Variants in IGFL2 observed in about 807,000 individuals in gnomAD.
IGFL2 encodes insulin growth factor-like family member 2.
Under a neutral mutation model 13.9 loss-of-function variants are expected in IGFL2, and 7 were observed. That is an observed-to-expected ratio of 0.51 (90% CI 0.29 to 0.95). IGFL2 has a LOEUF of 0.95. IGFL2 is among the 40% of genes least tolerant of loss of function. The pLI is 0.08. For missense variants in IGFL2, 138 were observed against 147.8 expected (o/e 0.93, Z 0.34); for synonymous variants, 55 against 55.8 (o/e 0.99, Z 0.07).
chr19:46,205,219 A>C, the IGFL2 span, among the ~76,000 whole-genome samples: 1 of 152,232 alleles, frequency 6.6e-6, no homozygotes, highest in Non-Finnish European at 1.5e-5. Flanking sequence ...TCCAAATCAT[A>C]TACTTTTCCA....
the IGFL2 span, among the ~76,000 whole-genome samples, chr19:46,199,710 C>A: frequency 6.6e-6 from 1 of 152,186 alleles, no homozygotes; most frequent in Non-Finnish European, 1.5e-5. Context: ...CCTGCTTTCT[C>A]CCACCAGCGT....
upstream of IGFL2, among the ~76,000 whole-genome samples, chr19:46,138,791 C>T (rs1035555442): frequency 2.0e-5 from 3 of 151,980 alleles, no homozygotes; most frequent in Non-Finnish European, 4.4e-5. Flanking sequence ...GAGAGGCACT[C>T]GTATCAGACT....
chr19:46,086,484 T>C, the IGFL2 span, among the ~76,000 whole-genome samples: 1 of 152,026 alleles, frequency 6.6e-6, no homozygotes, highest in Non-Finnish European at 1.5e-5. Context: ...CCACCATGCC[T>C]GGCTAATTTT....
chr19:46,177,012 C>T, the IGFL2 span, among the ~76,000 whole-genome samples: 8 of 152,124 alleles, frequency 5.3e-5, 1 homozygote, highest in Admixed American at 2.0e-4. Flanking sequence ...TATGTGGTTC[C>T]AGATATCTTG....
chr19:46,148,750 AG>A (rs2146833195), intron 1 of IGFL2: 2 of 881,022 alleles, frequency 2.3e-6, no homozygotes, highest in Non-Finnish European at 3.3e-6. Flanking sequence ...GAAAGGAGGG[AG>A]GATTATAGCA....
the IGFL2 span, chr19:46,124,779 G>A: frequency 1.3e-5 from 10 of 778,972 alleles, no homozygotes; most frequent in Non-Finnish European, 2.1e-5. Flanking sequence ...CATGCCACCT[G>A]CAGTCTCCCA....
the IGFL2 span, among the ~76,000 whole-genome samples, chr19:46,131,106 A>T: frequency 6.6e-6 from 1 of 152,128 alleles, no homozygotes; most frequent in Admixed American, 6.5e-5. Flanking sequence ...GCTGAGTCTA[A>T]GTTAATTTTC....
At chr19:46,155,836 ATAAAAT>A (rs1973793461) in intron 1 of IGFL2, among the ~76,000 whole-genome samples, 1 of 152,172 alleles carries the variant, frequency 6.6e-6, no homozygotes, top group African/African-American at 2.4e-5. Flanking sequence ...CATTCCATTG[ATAAAAT>A]TATTTATCTT....
chr19:46,159,457 A>T (rs547116190), intron 1 of IGFL2: 10 of 152,344 alleles, frequency 6.6e-5, no homozygotes, highest in Admixed American at 2.0e-4. Flanking sequence ...AGCCCAGGAG[A>T]GGAAAAAGGT....
the IGFL2 span, among the ~76,000 whole-genome samples, chr19:46,168,132 G>T: frequency 1.3e-5 from 2 of 152,108 alleles, no homozygotes; most frequent in Non-Finnish European, 2.9e-5. Context: ...ACTAGGTCTC[G>T]CTGTGTTGCC....
In IGFL2 at chr19:46,148,318, G is replaced by C. The variant is rs968383723; in HGVS notation, c.19+21G>C. The C allele has an allele frequency of 5.8e-6, 9 of 1,549,044 alleles. No homozygotes were observed. The African/African-American group carries it at 1.1e-4, about 19-fold the overall frequency. On this transcript the variant is annotated intron_variant, in intron 1 of 3. Coordinates refer to ENST00000377693, the MANE Select transcript of IGFL2 (RefSeq NM_001135113.2). The stretch of plus-strand genomic sequence containing the variant: ...CTTCGGTAAGGTAACCCTTGCCCCA[G>C]GTTGAGCTAATGCCTACTGTTATCC...
At chr19:46,183,687 C>T in the IGFL2 span, among the ~76,000 whole-genome samples, 2 of 152,236 alleles carry the variant, frequency 1.3e-5, no homozygotes, top group East Asian at 3.9e-4. Context: ...AGGTGCCTGA[C>T]ACCATGCCTG....
At chr19:46,164,882 G>C (rs560739816), downstream of IGFL2, among the ~76,000 whole-genome samples, 1 of 152,252 alleles carries the variant, frequency 6.6e-6, no homozygotes, top group Admixed American at 6.5e-5. Context: ...CAAAGTTCAG[G>C]GTCCAGGCTT....
chr19:46,192,929 C>T, the IGFL2 span, among the ~76,000 whole-genome samples: 1 of 151,956 alleles, frequency 6.6e-6, no homozygotes, highest in Non-Finnish European at 1.5e-5. Flanking sequence ...GTGGCTCATG[C>T]CTGTAATCCC....
the IGFL2 span, chr19:46,136,728 T>C: frequency 3.2e-5 from 17 of 539,554 alleles, no homozygotes; most frequent in East Asian, 7.8e-4. Context: ...CTGAGAACTG[T>C]TTTGCTTGAA....
chr19:46,095,605 T>A, the IGFL2 span, among the ~76,000 whole-genome samples: 2 of 152,182 alleles, frequency 1.3e-5, no homozygotes, highest in Non-Finnish European at 2.9e-5. Context: ...TTTCCCATGC[T>A]TATGTCCTGA....
the IGFL2 span, chr19:46,212,372 C>A: frequency 6.6e-6 from 1 of 152,248 alleles, no homozygotes; most frequent in Non-Finnish European, 1.5e-5. Context: ...CAGATCTGAC[C>A]ACATACATCC....
At chr19:46,185,990 C>G in the IGFL2 span, among the ~76,000 whole-genome samples, 1 of 152,160 alleles carries the variant, frequency 6.6e-6, no homozygotes, top group Non-Finnish European at 1.5e-5. Flanking sequence ...GGCCTCCGTC[C>G]CATCTGGTGC....
the IGFL2 span, among the ~76,000 whole-genome samples, chr19:46,133,331 G>A: frequency 6.6e-6 from 1 of 152,174 alleles, no homozygotes; most frequent in Non-Finnish European, 1.5e-5. Flanking sequence ...GAGCACACAC[G>A]AACAAAGGAG....
Sources: allele counts gnomAD v4.1 joint callset (sites outside exome capture counted in the v4.1 genomes callset), GRCh38; gene constraint gnomAD v4.1.1; transcripts MANE v1.5; gene names NCBI Gene and HGNC (gene_info 2026-07-23, HGNC 2026-07-21).